MCF2L: variants seen among roughly 807,000 people sequenced by gnomAD.
MCF2L encodes the protein guanine nucleotide exchange factor DBS.
MCF2L carries 97 observed loss-of-function variants against 153.4 expected under a neutral mutation model. The ratio of observed to expected loss-of-function variants is 0.63; its 90% confidence interval spans 0.54 to 0.75. MCF2L has a LOEUF of 0.75. Among genes scored for constraint, MCF2L ranks in the 30% least tolerant of loss-of-function variants. The pLI, the probability that MCF2L is intolerant of heterozygous loss-of-function variation, is 0.00. For missense variants in MCF2L, 1,347 were observed against 1,495.2 expected, an observed-to-expected ratio of 0.90 and a Z score of 1.64; for synonymous variants, 659 against 632.2, an observed-to-expected ratio of 1.04 and a Z score of -0.64.
At position 113,046,890 on chromosome 13, in the gene MCF2L, G is replaced by C; in HGVS notation, c.369+1529G>C. 1 of 283,190 alleles carries C rather than the reference G, an allele frequency of 3.5e-6. No homozygotes were observed. The highest frequency in any genetic ancestry group is 6.9e-6 in the Non-Finnish European group (1 of 145,230). The allele number at this position is 283,190 out of a possible 1,614,324, so 17.5% of individuals were successfully genotyped here. A position where few individuals can be genotyped will look rare whatever the true frequency, so the allele number is the denominator to read the frequency against. On this transcript the variant is annotated intron_variant, in intron 4 of 29. Transcript: ENST00000535094. This position sits in a 1 kb window ranked among gnomAD's most constrained non-coding sequence, Gnocchi z 4.4. ...CTTTGTTTTAACAGTGCGTTCGTTTGCTTTTGCGTCACTATAAAGACGTAC... is the reference window on the plus strand; with the variant it reads ...CTTTGTTTTAACAGTGCGTTCGTTTCCTTTTGCGTCACTATAAAGACGTAC...
At chr13:113,058,431 TTGAG>T (rs1403466620) in intron 4 of MCF2L, among the ~76,000 whole-genome samples, 1 of 140,786 alleles carries the variant, frequency 7.1e-6, no homozygotes, top group East Asian at 2.1e-4. Flanking sequence ...TGCTGTGTGT[TTGAG>T]TGCTGTGTGT....
intron 2 of MCF2L, among the ~76,000 whole-genome samples, chr13:112,961,867 C>T (rs1248698430): frequency 6.6e-6 from 1 of 152,188 alleles, no homozygotes; most frequent in Non-Finnish European, 1.5e-5. Flanking sequence ...CTTGCTGTGA[C>T]CACGAGAGGC....
At chr13:112,911,753 G>A (rs1040335052) in intron 2 of MCF2L, among the ~76,000 whole-genome samples, 2 of 152,260 alleles carry the variant, frequency 1.3e-5, no homozygotes, top group Non-Finnish European at 2.9e-5. Context: ...GCGCTGAGCA[G>A]CGATTTCTTC....
chr13:113,027,035 A>G lies in MCF2L; in HGVS notation c.278+2277A>G. On this transcript the variant is annotated intron_variant, in intron 3 of 29. Transcript: ENST00000535094. The surrounding 1 kb of genome is among the most constrained non-coding windows in gnomAD (Gnocchi z 4.8). ...GCTGCTTCCATTTGGGGTATAGTGA[A>G]CACACACCAAGTAAAAACAGAAATA... 3 of 777,714 alleles carry G rather than the reference A, an allele frequency of 3.9e-6. No individual in the cohort carries two copies. Among genetic ancestry groups the G allele is most frequent in the Non-Finnish European group, 7.2e-6 (3 of 417,676 alleles). 48.2% of individuals were successfully genotyped at this position (777,714 alleles called of 1,614,324 possible).
chr13:112,919,010 C>T (rs988127580), intron 2 of MCF2L, among the ~76,000 whole-genome samples: 1 of 152,196 alleles, frequency 6.6e-6, no homozygotes, highest in Non-Finnish European at 1.5e-5. Context: ...GGCTCTCAGA[C>T]CTCTATGCTG....
Position 113,064,489 on chromosome 13 carries a change from A to G in MCF2L, c.606+69A>G. On this transcript the variant is annotated intron_variant, in intron 6 of 29. Transcript: ENST00000535094. This position sits in a 1 kb window ranked among gnomAD's most constrained non-coding sequence, Gnocchi z 6.0. The stretch of plus-strand genomic sequence containing the variant: ...AGTACTTCCACAGAATCGCTCTTGC[A>G]TTACAACACGGCCCTTTCCAAAAAC... 1.0e-6 allele frequency: 1 copy of G among 970,168 alleles called. No individual in the cohort carries two copies. Among genetic ancestry groups the G allele is most frequent in the Non-Finnish European group, 1.6e-6 (1 of 609,716 alleles). The allele number at this position is 970,168 out of a possible 1,614,324, so 60.1% of individuals were successfully genotyped here.
chr13:112,919,279 C>T (rs1426324216), intron 2 of MCF2L, among the ~76,000 whole-genome samples: 2 of 141,640 alleles, frequency 1.4e-5, no homozygotes, highest in African/African-American at 5.3e-5. Flanking sequence ...GATCTCGGCT[C>T]ACTGCAAGCT....
At chr13:113,084,460 G>A (rs2034448159) in intron 18 of MCF2L, 1 of 320,830 alleles carries the variant, frequency 3.1e-6, no homozygotes, top group South Asian at 5.7e-5. Flanking sequence ...CTGTGCCCTA[G>A]AGGCACCCAG....
intron 2 of MCF2L, among the ~76,000 whole-genome samples, chr13:112,954,447 G>A (rs534677323): frequency 2.8e-4 from 42 of 152,352 alleles, no homozygotes; most frequent in Middle Eastern, 6.8e-3. Flanking sequence ...TTCCCATTGC[G>A]ATGTGGAGGA....
intron 3 of MCF2L, among the ~76,000 whole-genome samples, chr13:113,030,578 G>A (rs377385680): frequency 2.0e-5 from 3 of 149,080 alleles, no homozygotes; most frequent in East Asian, 2.0e-4. Context: ...GGTGTCCGCC[G>A]ACGCAGGTGT....
In MCF2L at chr13:113,064,520, C is replaced by T; in HGVS notation, c.606+100C>T. The T allele has an allele frequency of 1.2e-5, 9 of 745,556 alleles. No individual in the cohort carries two copies. The South Asian group carries it at 1.3e-4, about 11-fold the overall frequency. 46.2% of individuals were successfully genotyped at this position (745,556 alleles called of 1,614,324 possible). On this transcript the variant is annotated intron_variant, in intron 6 of 29. Transcript: ENST00000535094. The surrounding 1 kb of genome is among the most constrained non-coding windows in gnomAD (Gnocchi z 6.0). ...ACACGGCCCTTTCCAAAAACACATT[C>T]ACATTAACAGTCGTTTTCTTTCCCA...
At chr13:112,962,035 GCA>G (rs112061636) in intron 2 of MCF2L, among the ~76,000 whole-genome samples, 6 of 148,636 alleles carry the variant, frequency 4.0e-5, no homozygotes, top group African/African-American at 7.4e-5. Flanking sequence ...ACCCAGGCAT[GCA>G]CACACACACA....
chr13:112,984,410 GT>G (rs1416134891), intron 1 of MCF2L, among the ~76,000 whole-genome samples: 1 of 151,928 alleles, frequency 6.6e-6, no homozygotes, highest in South Asian at 2.1e-4. Flanking sequence ...AATTTTTTTG[GT>G]ATTTTTAGTA....
chr13:113,088,580 C>T lies in MCF2L; in HGVS notation c.2786C>T (p.Ala929Val), dbSNP rs565147618. 2.4e-5 allele frequency: 38 copies of T among 1,610,422 alleles called. No individual in the cohort carries two copies. The highest frequency in any genetic ancestry group is 1.7e-4 in the Middle Eastern group (1 of 6,056). The change falls in exon 25 of 30, where the codon GCG becomes GTG. Residue 929 changes from alanine (A) to valine (V), a missense_variant. Physicochemically the swap from Ala to Val is moderately conservative, Grantham distance 64. Transcript: ENST00000535094. The part of the protein sequence containing the change: ...QACREASQHR[A>V]LEQSQSLPLP... ...CTCGCAGAAGCCAGCCAGCACCGGG[C>T]GCTGGAGCAGTCACAGAGCCTGCCC...
intron 2 of MCF2L, among the ~76,000 whole-genome samples, chr13:113,022,559 G>A (rs749221214): frequency 6.6e-6 from 1 of 152,244 alleles, no homozygotes; most frequent in South Asian, 2.1e-4. Flanking sequence ...CCCAGGCCCC[G>A]TTTCAGGGAA....
intron 26 of MCF2L, chr13:113,093,615 C>G (rs1052226944): frequency 6.6e-6 from 1 of 152,332 alleles, no homozygotes; most frequent in African/African-American, 2.4e-5. Context: ...CGCAAGGAAA[C>G]GCTTGCTTCC....
chr13:113,026,789 G>T, intron 3 of MCF2L: 1 of 604,060 alleles, frequency 1.7e-6, no homozygotes, highest in Non-Finnish European at 3.0e-6. Flanking sequence ...CCCTCAGGCT[G>T]CAGTTTTTTG....
chr13:113,015,342 G>A (rs932958522), intron 2 of MCF2L, among the ~76,000 whole-genome samples: 2 of 152,340 alleles, frequency 1.3e-5, no homozygotes, highest in South Asian at 2.1e-4. Context: ...CAGTGGCCCC[G>A]AGCTATGTAG....
chr13:113,089,951 G>GT (rs2035038060), intron 26 of MCF2L: 1 of 1,597,070 alleles, frequency 6.3e-7, no homozygotes, highest in African/African-American at 1.3e-5. Flanking sequence ...AGCCCCAGAA[G>GT]GAGCCTCGGC....
Sources: allele counts gnomAD v4.1 joint callset (sites outside exome capture counted in the v4.1 genomes callset), GRCh38; gene constraint gnomAD v4.1.1; non-coding constraint Gnocchi (gnomAD v3.1); transcripts MANE v1.5; gene names NCBI Gene and HGNC (gene_info 2026-07-23, HGNC 2026-07-21).